Variants in RFT1 observed in about 807,000 individuals in gnomAD.
RFT1 encodes RFT1 glycolipid translocator homolog.
Under a neutral mutation model 62.2 loss-of-function variants are expected in RFT1, and 43 were observed. The observed-to-expected ratio is 0.69, with a 90% CI of 0.54 to 0.89. RFT1 has a LOEUF of 0.89. Among genes scored for constraint, RFT1 ranks in the 40% least tolerant of loss-of-function variants. The pLI, the probability that RFT1 is intolerant of heterozygous loss-of-function variation, is 0.00. For synonymous variants in RFT1, 262 were observed against 264.6 expected, an observed-to-expected ratio of 0.99 and a Z score of 0.10; for missense variants, 605 against 649.9, an observed-to-expected ratio of 0.93 and a Z score of 0.75.
At chr3:53,105,911 G>A (rs544718364) in intron 8 of RFT1, 108 bp from the exon 9 acceptor site, 10 of 1,061,696 alleles carry the variant, frequency 9.4e-6, no homozygotes, top group African/African-American at 3.2e-5. Context: ...TTTATCTTGA[G>A]ATAATTATAG....
intron 10 of RFT1, among the ~76,000 whole-genome samples, chr3:53,101,178 G>A (rs571490984): frequency 5.6e-4 from 86 of 152,226 alleles, no homozygotes; most frequent in African/African-American, 1.8e-3. Flanking sequence ...CGTTTTCCAC[G>A]GCCCTGTCTC....
the RFT1 span, chr3:53,078,272 G>A: frequency 2.6e-5 from 4 of 152,272 alleles, no homozygotes; most frequent in African/African-American, 9.6e-5. Flanking sequence ...CACGGCACAG[G>A]TGCGTACCAC....
chr3:53,069,547 GA>G, the RFT1 span, among the ~76,000 whole-genome samples: 3 of 151,002 alleles, frequency 2.0e-5, no homozygotes, highest in East Asian at 1.9e-4. Context: ...GGGGGAAAAA[GA>G]AAAAAAAGGA....
chr3:53,079,243 GAGA>G, the RFT1 span, among the ~76,000 whole-genome samples: 1 of 152,220 alleles, frequency 6.6e-6, no homozygotes, highest in African/African-American at 2.4e-5. Flanking sequence ...CTTTGACAAT[GAGA>G]AGGAGGAAGA....
At chr3:53,085,161 T>A (rs1700830644), downstream of RFT1, among the ~76,000 whole-genome samples, 1 of 152,160 alleles carries the variant, frequency 6.6e-6, no homozygotes, top group Non-Finnish European at 1.5e-5. Context: ...GCAGTAGCCA[T>A]GTCTGGGTCC....
In RFT1 at chr3:53,101,348, T is replaced by A. The variant is rs1701307801; in HGVS notation, c.1103-1862A>T. Among the ~76,000 whole-genome samples, 3 of 151,984 alleles carry A rather than the reference T, an allele frequency of 2.0e-5. No homozygotes were observed. The South Asian group carries it at 6.2e-4, about 32-fold the overall frequency. On this transcript the variant is annotated intron_variant, in intron 10 of 12. Transcript: ENST00000296292. ...GCTATGCTCAAGTGTGCCTCCTGCTTCTCCCCAACCTCCTCTCCCTGGCAG... is the reference window on the plus strand; with the variant it reads ...GCTATGCTCAAGTGTGCCTCCTGCTACTCCCCAACCTCCTCTCCCTGGCAG...
intron 3 of RFT1, among the ~76,000 whole-genome samples, chr3:53,123,174 C>G (rs1702017139): frequency 6.6e-6 from 1 of 152,244 alleles, no homozygotes; most frequent in African/African-American, 2.4e-5. Context: ...TAACCTCAAA[C>G]CCCAGCCCTC....
intron 1 of RFT1, among the ~76,000 whole-genome samples, chr3:53,127,649 T>C (rs1383802037): frequency 1.2e-5 from 1 of 82,072 alleles, no homozygotes; most frequent in Non-Finnish European, 2.4e-5. Flanking sequence ...CTAGACTCCA[T>C]CTTAAAAAAA....
rs761692538 is a variant in RFT1 at position 53,122,485 on chromosome 3, A to G, written c.345T>C (p.Val115=). The change falls in exon 4 of 13, where the codon GTT becomes GTC. Residue 115 remains valine, a synonymous_variant. Coordinates refer to ENST00000296292, the MANE Select transcript of RFT1 (RefSeq NM_052859.4). The part of the protein sequence containing the change: ...LQLLEVPDPN[V]VPHYATGVVL... The stretch of plus-strand genomic sequence containing the variant: ...CCACTCCAGTTGCATAGTGAGGGAC[A>G]ACATTAGGATCAGGCACTTCAAGCA... 2.2e-5 allele frequency: 35 copies of G among 1,613,902 alleles called. No homozygotes were observed. In the African/African-American group the frequency reaches 3.6e-4, roughly 17 times the overall value.
Position 53,111,834 on chromosome 3 carries a change from T to C in RFT1, c.771A>G (p.Thr257=). The change falls in exon 7 of 13, where the codon ACA becomes ACG. Residue 257 remains threonine, a synonymous_variant. Transcript: ENST00000296292. The stretch of plus-strand genomic sequence containing the variant: ...TCAGAGTGACCGTCTACTTACCTTC[T>C]GTCAAAATCTGTTTCAAGAAAGACT... The part of the protein sequence containing the change: ...FKQSFLKQIL[T]EGERYVMTFL... 6.2e-7 allele frequency: 1 copy of C among 1,613,514 alleles called. No individual in the cohort carries two copies. The highest frequency in any genetic ancestry group is 8.5e-7 in the Non-Finnish European group (1 of 1,179,390).
At chr3:53,118,695 A>G (rs1213266938) in intron 6 of RFT1, among the ~76,000 whole-genome samples, 1 of 152,136 alleles carries the variant, frequency 6.6e-6, no homozygotes, top group Non-Finnish European at 1.5e-5. Context: ...GGAGGAGCTC[A>G]TGAAGTGTCT....
intron 10 of RFT1, 76 bp from the exon 11 acceptor site, chr3:53,099,562 C>T (rs1327078973): frequency 9.1e-7 from 1 of 1,102,848 alleles, no homozygotes; most frequent in African/African-American, 1.5e-5. Context: ...TGCTGAGTAC[C>T]CAGAGAACCA....
the RFT1 span, chr3:53,077,552 C>T: frequency 6.6e-6 from 1 of 152,400 alleles, no homozygotes; most frequent in Middle Eastern, 3.4e-3. Context: ...GGCTGTTCCG[C>T]TTCTGTTTAC....
chr3:53,106,696 A>C (rs879105362), intron 8 of RFT1, 123 bp downstream of exon 8: 1 of 803,022 alleles, frequency 1.2e-6, no homozygotes, highest in South Asian at 1.6e-5. Context: ...TACAATTTAC[A>C]ATCTTCAGGA....
the RFT1 span, among the ~76,000 whole-genome samples, chr3:53,071,668 C>T: frequency 6.6e-6 from 1 of 152,166 alleles, no homozygotes; most frequent in Non-Finnish European, 1.5e-5. Flanking sequence ...GGAATAGGTC[C>T]CCAAGACACT....
chr3:53,104,241 G>C (rs1319127336), intron 9 of RFT1, 144 bp from the exon 10 acceptor site: 2 of 817,422 alleles, frequency 2.4e-6, no homozygotes, highest in Non-Finnish European at 3.9e-6. Context: ...TTTGTAGTGT[G>C]TTTGTTTTCA....
chr3:53,121,007 G>A (rs371115296), intron 5 of RFT1, among the ~76,000 whole-genome samples: 1 of 152,168 alleles, frequency 6.6e-6, no homozygotes, highest in Non-Finnish European at 1.5e-5. Flanking sequence ...TCATTACTAA[G>A]AATCTTAATT....
At chr3:53,101,231 G>A (rs920800788) in intron 10 of RFT1, among the ~76,000 whole-genome samples, 1 of 152,210 alleles carries the variant, frequency 6.6e-6, no homozygotes, top group Non-Finnish European at 1.5e-5. Context: ...TGCTTGTCAA[G>A]CCGCTGCAGG....
intron 10 of RFT1, among the ~76,000 whole-genome samples, chr3:53,102,686 G>C (rs1225237352): frequency 6.6e-6 from 1 of 152,228 alleles, no homozygotes; most frequent in Non-Finnish European, 1.5e-5. Flanking sequence ...TGTCCGTGCT[G>C]TGTCCGAGTC....
Sources: gnomAD v4.1 joint callset for allele counts (sites outside exome capture counted in the v4.1 genomes callset) on GRCh38, gnomAD v4.1.1 for gene constraint, MANE v1.5 for transcripts, NCBI Gene and HGNC (gene_info 2026-07-23, HGNC 2026-07-21) for gene names.